XRCC6: variants seen among roughly 807,000 people sequenced by gnomAD.
XRCC6 encodes DNA repair protein Ku70.
A neutral mutation model predicts 65.7 loss-of-function variants in XRCC6; 5 were observed. That is an observed-to-expected ratio of 0.08 (90% CI 0.04 to 0.16). The LOEUF (loss-of-function observed/expected upper bound fraction) is 0.16, where lower values mean the gene tolerates loss of function less well. XRCC6 is among the 10% of genes least tolerant of loss of function. XRCC6 has a pLI of 1.00. For missense variants in XRCC6, 447 were observed against 738.1 expected, an observed-to-expected ratio of 0.61 and a Z score of 4.57; for synonymous variants, 270 against 270.6, an observed-to-expected ratio of 1.00 and a Z score of 0.02.
At chr22:41,654,252 ATGGGCGTTC>A (rs2068025622) in intron 9 of XRCC6, among the ~76,000 whole-genome samples, 1 of 152,122 alleles carries the variant, frequency 6.6e-6, no homozygotes. Flanking sequence ...AGCTACAAAG[ATGGGCGTTC>A]TGGAGCACCT....
Position 41,653,647 on chromosome 22 carries a change from GGAA to G in XRCC6, c.1254_1256del (p.Glu419del). 1.2e-6 allele frequency: 2 copies of G among 1,614,082 alleles called. No individual in the cohort carries two copies. Among genetic ancestry groups the G allele is most frequent in the Non-Finnish European group, 1.7e-6 (2 of 1,179,976 alleles). On this transcript the variant is annotated inframe_deletion, in exon 9 of 13. Transcript: ENST00000360079. ...CTTATTTTGTGGCTTTGGTGCCACAGGAAGAAGAGTTGGATGACCAGAAAATTC... is the reference window on the plus strand; with the variant it reads ...CTTATTTTGTGGCTTTGGTGCCACAGGAAGAGTTGGATGACCAGAAAATTC...
intron 2 of XRCC6, among the ~76,000 whole-genome samples, chr22:41,623,378 C>T (rs542216302): frequency 1.3e-5 from 2 of 152,208 alleles, no homozygotes; most frequent in Non-Finnish European, 2.9e-5. Context: ...CATGCCCAGA[C>T]TGTATCTGAT....
intron 7 of XRCC6, 145 bp downstream of exon 7, chr22:41,647,227 T>C (rs982734989): frequency 6.8e-6 from 5 of 736,096 alleles, no homozygotes; most frequent in African/African-American, 5.3e-5. Flanking sequence ...GCCTCCCAAG[T>C]AGCTGGGATC....
intron 10 of XRCC6, 103 bp downstream of exon 10, chr22:41,657,135 A>C: frequency 7.4e-7 from 1 of 1,354,384 alleles, no homozygotes; most frequent in South Asian, 1.6e-5. Context: ...TTTTCAGCAA[A>C]CTGACAGATT....
At chr22:41,656,476 A>C (rs2064339274) in intron 9 of XRCC6, among the ~76,000 whole-genome samples, 1 of 151,706 alleles carries the variant, frequency 6.6e-6, no homozygotes, top group Admixed American at 6.6e-5. Flanking sequence ...GAGATTGCCC[A>C]CTGTACTCCA....
At chr22:41,658,875 G>A (rs180853636) in intron 11 of XRCC6, among the ~76,000 whole-genome samples, 1 of 152,300 alleles carries the variant, frequency 6.6e-6, no homozygotes, top group East Asian at 1.9e-4. Flanking sequence ...AGGCTGCAAT[G>A]AGCCGAGATT....
At chr22:41,637,046 C>G (rs372347944) in intron 5 of XRCC6, among the ~76,000 whole-genome samples, 60 of 149,176 alleles carry the variant, frequency 4.0e-4, no homozygotes, top group African/African-American at 1.4e-3. Context: ...CATTAGCTGT[C>G]TAAAGGACTC....
chr22:41,644,105 C>CCACTG (rs1259482028), intron 6 of XRCC6, among the ~76,000 whole-genome samples: 1 of 152,194 alleles, frequency 6.6e-6, no homozygotes, highest in African/African-American at 2.4e-5. Context: ...CGAGATGGCG[C>CCACTG]CACTGCACTC....
At chr22:41,653,175 T>TA (rs1477511355) in intron 8 of XRCC6, among the ~76,000 whole-genome samples, 1 of 152,002 alleles carries the variant, frequency 6.6e-6, no homozygotes, top group Non-Finnish European at 1.5e-5. Flanking sequence ...AGGCTGAGGC[T>TA]GGAGGATCAC....
intron 6 of XRCC6, among the ~76,000 whole-genome samples, chr22:41,641,951 G>A (rs928279416): frequency 2.0e-5 from 3 of 152,022 alleles, no homozygotes; most frequent in African/African-American, 7.2e-5. Flanking sequence ...CACCACGCCC[G>A]ACTAATTTTG....
At chr22:41,639,245 T>G (rs1258973653) in intron 6 of XRCC6, among the ~76,000 whole-genome samples, 2 of 151,842 alleles carry the variant, frequency 1.3e-5, no homozygotes, top group Non-Finnish European at 2.9e-5. Context: ...TCATAAATGT[T>G]AGTTATGATC....
At chr22:41,637,888 G>T in intron 6 of XRCC6, 97 bp downstream of exon 6, 1 of 1,346,300 alleles carries the variant, frequency 7.4e-7, no homozygotes, top group South Asian at 1.6e-5. Flanking sequence ...AGTTTGGGAG[G>T]CCAAGGCAGG....
chr22:41,622,837 C>T (rs551553427), intron 2 of XRCC6, among the ~76,000 whole-genome samples: 15 of 151,530 alleles, frequency 9.9e-5, no homozygotes, highest in Admixed American at 4.6e-4. Context: ...CCCAGCTGCT[C>T]GGGAGGCTGA....
intron 2 of XRCC6, among the ~76,000 whole-genome samples, chr22:41,625,023 A>C (rs532513121): frequency 1.3e-5 from 2 of 152,250 alleles, no homozygotes; most frequent in Non-Finnish European, 2.9e-5. Context: ...AAAATAAAAT[A>C]GGTCAGGCAC....
chr22:41,634,314 G>A, intron 3 of XRCC6, among the ~76,000 whole-genome samples: 1 of 151,688 alleles, frequency 6.6e-6, no homozygotes, highest in Admixed American at 6.6e-5. Context: ...GCACCCCTGA[G>A]TAGCTGAGTA....
At chr22:41,647,185 A>ACCT in intron 7 of XRCC6, 103 bp downstream of exon 7, 1 of 1,234,064 alleles carries the variant, frequency 8.1e-7, no homozygotes, top group Admixed American at 2.3e-5. Context: ...TACAGCCTTG[A>ACCT]CCTCCTGGAC....
intron 8 of XRCC6, 102 bp downstream of exon 8, chr22:41,650,993 T>A: frequency 7.0e-7 from 1 of 1,419,586 alleles, no homozygotes; most frequent in Non-Finnish European, 9.7e-7. Flanking sequence ...CAGGAAATGT[T>A]AATGGAGTAT....
chr22:41,652,712 C>A (rs1379795908), intron 8 of XRCC6, among the ~76,000 whole-genome samples: 1 of 151,512 alleles, frequency 6.6e-6, no homozygotes, highest in African/African-American at 2.4e-5. Context: ...CTCACTCTGT[C>A]GCCCAGGCTG....
At chr22:41,658,489 CT>C in intron 11 of XRCC6, 137 bp downstream of exon 11, 1 of 791,346 alleles carries the variant, frequency 1.3e-6, no homozygotes, top group Non-Finnish European at 2.1e-6. Context: ...TGTTTGGAAG[CT>C]TTTCCAGACC....
Sources: allele counts gnomAD v4.1 joint callset (sites outside exome capture counted in the v4.1 genomes callset), GRCh38; gene constraint gnomAD v4.1.1; transcripts MANE v1.5; gene names NCBI Gene and HGNC (gene_info 2026-07-23, HGNC 2026-07-21).